The following MED16 variants were observed in gnomAD, a reference collection of about 807,000 sequenced individuals.
MED16 encodes the protein mediator complex subunit 16.
Under a neutral mutation model 84.4 loss-of-function variants are expected in MED16, and 81 were observed. The observed-to-expected ratio is 0.96, with a 90% confidence interval of 0.80 to 1.15. MED16 has a LOEUF of 1.15. Ranked by LOEUF, MED16 falls within the 50% of genes most tolerant of loss-of-function variation. MED16 has a pLI of 0.00. For synonymous variants in MED16, 897 were observed against 552.2 expected (o/e 1.62, Z -8.76); for missense variants, 1,585 against 1,245.9 (o/e 1.27, Z -4.10).
chr19:878,534 C>T (rs1452287982), intron 8 of MED16, among the ~76,000 whole-genome samples: 40 of 130,574 alleles, frequency 3.1e-4, no homozygotes, highest in Non-Finnish European at 2.7e-4. Flanking sequence ...AGCTCACCTT[C>T]CCGTGGTTGT....
intron 1 of MED16, among the ~76,000 whole-genome samples, chr19:891,376 G>A (rs946255708): frequency 1.3e-5 from 2 of 152,224 alleles, no homozygotes; most frequent in East Asian, 1.9e-4. Context: ...TGGGAGCCCG[G>A]GAGGGCTGGG....
intron 6 of MED16, among the ~76,000 whole-genome samples, 186 bp downstream of exon 6, chr19:884,717 C>T (rs1002550934): frequency 6.6e-6 from 1 of 151,908 alleles, no homozygotes; most frequent in Non-Finnish European, 1.5e-5. Context: ...GCCTAACACA[C>T]TCAGAATGCT....
At position 871,979 on chromosome 19, in the gene MED16, G is replaced by T. The variant is rs777877843; in HGVS notation, c.2045C>A (p.Thr682Asn). 1.2e-5 allele frequency: 20 copies of T among 1,607,766 alleles called. No homozygotes were observed. In the South Asian group the frequency reaches 2.2e-4, roughly 18 times the overall value. The change falls in exon 12 of 16, where the codon ACC becomes AAC. Residue 682 changes from threonine (T) to asparagine (N), a missense_variant. Physicochemically the swap from Thr to Asn is moderately conservative, Grantham distance 65. Coordinates refer to ENST00000325464, the MANE Select transcript of MED16 (RefSeq NM_005481.3). Reference sequence around the variant, plus strand: ...GAAGAGCAGGGACATGCTGTCCTGGGTATCCGAGGTGGCCGTATACACGGG... The same window carrying T: ...GAAGAGCAGGGACATGCTGTCCTGGTTATCCGAGGTGGCCGTATACACGGG... ...CLPVYTATSD[T>N]QDSMSLLFRL...
intron 6 of MED16, among the ~76,000 whole-genome samples, chr19:883,388 T>G (rs2036459798): frequency 7.4e-6 from 1 of 134,678 alleles, no homozygotes; most frequent in Non-Finnish European, 1.6e-5. Flanking sequence ...GGTGAAGAGC[T>G]GGGCATGGCG....
intron 2 of MED16, among the ~76,000 whole-genome samples, 189 bp downstream of exon 2, chr19:890,773 TG>T (rs1299971818): frequency 6.6e-6 from 1 of 152,150 alleles, no homozygotes; most frequent in Non-Finnish European, 1.5e-5. Context: ...GCACCAGGTT[TG>T]GGGGGCACTG....
chr19:871,391 G>C, intron 12 of MED16, 138 bp from the exon 13 acceptor site: 1 of 1,305,408 alleles, frequency 7.7e-7, no homozygotes, highest in Non-Finnish European at 1.0e-6. Flanking sequence ...GGTGACCCCG[G>C]GGTTCTCTCA....
At chr19:890,721 G>A (rs879710804) in intron 2 of MED16, among the ~76,000 whole-genome samples, 16 of 152,210 alleles carry the variant, frequency 1.1e-4, no homozygotes, top group Non-Finnish European at 1.5e-4. Flanking sequence ...CAACGCTCCA[G>A]CCCGATTCGA....
At chr19:878,192 G>T (rs374449776) in intron 8 of MED16, among the ~76,000 whole-genome samples, 1 of 104,164 alleles carries the variant, frequency 9.6e-6, no homozygotes. Context: ...CCAGCCCCAC[G>T]TGCCCCAGCA....
rs927912288 is a variant in MED16, at chr19:867,976, C to A, written c.*125G>T. On this transcript the variant is annotated 3_prime_UTR_variant, in exon 16 of 16. Coordinates refer to ENST00000325464, the MANE Select transcript of MED16 (RefSeq NM_005481.3). ...GGGACGCGGGCCTGGGCGCAGAGGG[C>A]GTTTATTGGACCTGTCCTTCCCAGC... 4 of 1,288,326 alleles carry A rather than the reference C, an allele frequency of 3.1e-6. No homozygotes were observed. The highest frequency in any genetic ancestry group is 1.5e-5 in the African/African-American group (1 of 67,044). 79.8% of individuals were successfully genotyped at this position (1,288,326 alleles called of 1,614,324 possible).
At position 881,618 on chromosome 19, in the gene MED16, ATGGGCAGCT is replaced by A. The variant is rs771616172; in HGVS notation, c.1073_1081del (p.Lys358_Pro360del). 7 of 1,612,540 alleles carry A rather than the reference ATGGGCAGCT, an allele frequency of 4.3e-6. No homozygotes were observed. Among genetic ancestry groups the A allele is most frequent in the African/African-American group, 4.0e-5 (3 of 74,888 alleles). ...CTTGAGGTCGGTGTTGGTGAGCGAG[ATGGGCAGCT>A]TGGGCAGCGCCACGGCCGACACACG... On this transcript the variant is annotated inframe_deletion, in exon 7 of 16. Transcript: ENST00000325464.
In MED16 at chr19:868,188, G is replaced by A. The variant is rs2035959792; in HGVS notation, c.2547C>T (p.Ala849=). The A allele has an allele frequency of 1.2e-6, 2 of 1,608,678 alleles. No homozygotes were observed. Among genetic ancestry groups the A allele is most frequent in the East Asian group, 4.5e-5 (2 of 44,726 alleles). Residue 849 remains alanine (A), a synonymous_variant, in exon 16 of 16, where the codon GCC becomes GCT. Coordinates refer to ENST00000325464, the MANE Select transcript of MED16 (RefSeq NM_005481.3). ...VTSRASEEAP[A]FVQLGPQSTH... is the part of the protein sequence containing the mutation. ...TGGACTGCGGGCCCAGCTGGACAAA[G>A]GCAGGGGCTTCCTCAGAAGCTCTGC...
chr19:881,287 TC>T (rs1226421598), intron 7 of MED16, among the ~76,000 whole-genome samples: 4 of 152,134 alleles, frequency 2.6e-5, no homozygotes, highest in African/African-American at 9.7e-5. Flanking sequence ...TCCACCAAGT[TC>T]CCCAGGCTCC....
chr19:877,617 G>A lies in MED16; in HGVS notation c.1354-437C>T, dbSNP rs576728498. On this transcript the variant is annotated intron_variant, in intron 8 of 15. Coordinates refer to ENST00000325464, the MANE Select transcript of MED16 (RefSeq NM_005481.3). The stretch of plus-strand genomic sequence containing the variant: ...GCTTGCACCTGTGGTCCCTTCCCCC[G>A]GGGGCGCCTCCCTCTGGCACCCTCC... Among the ~76,000 whole-genome samples the A allele has an allele frequency of 2.8e-3, 424 of 150,166 alleles. 3 individuals are homozygous for A. The highest frequency in any genetic ancestry group is 9.6e-3 in the African/African-American group (388 of 40,322).
At chr19:890,896 G>A (rs140168220) in intron 2 of MED16, 67 bp downstream of exon 2, 141 of 1,536,514 alleles carry the variant, frequency 9.2e-5, no homozygotes, top group Middle Eastern at 2.1e-4. Flanking sequence ...GCAGTGGGCC[G>A]GGCACCTGGG....
At chr19:881,479 G>C (rs559396148) in intron 7 of MED16, 80 bp downstream of exon 7, 1 of 1,493,344 alleles carries the variant, frequency 6.7e-7, no homozygotes, top group Non-Finnish European at 9.0e-7. Context: ...GAGCTCCCAC[G>C]ACCCCGTGGC....
chr19:883,843 G>T (rs933933371), intron 6 of MED16, among the ~76,000 whole-genome samples: 1 of 152,170 alleles, frequency 6.6e-6, no homozygotes, highest in Non-Finnish European at 1.5e-5. Context: ...AGGCCCAGGG[G>T]AAGGAATGAG....
At chr19:877,894 C>T (rs1308424706) in intron 8 of MED16, among the ~76,000 whole-genome samples, 135 of 147,520 alleles carry the variant, frequency 9.2e-4, no homozygotes, top group Non-Finnish European at 1.6e-3. Flanking sequence ...TGTCAATGCC[C>T]ACCAGCCCCA....
intron 12 of MED16, 141 bp from the exon 13 acceptor site, chr19:871,394 TTC>T: frequency 1.6e-6 from 2 of 1,288,940 alleles, no homozygotes; most frequent in Non-Finnish European, 2.1e-6. Context: ...GACCCCGGGG[TTC>T]TCTCACCAGG....
intron 6 of MED16, among the ~76,000 whole-genome samples, chr19:882,295 T>A (rs1032724564): frequency 1.3e-5 from 2 of 151,936 alleles, no homozygotes; most frequent in African/African-American, 2.4e-5. Flanking sequence ...ATGGCTTGAG[T>A]CCAGGAGTTC....
Sources: allele counts gnomAD v4.1 joint callset (sites outside exome capture counted in the v4.1 genomes callset), GRCh38; gene constraint gnomAD v4.1.1; transcripts MANE v1.5; gene names NCBI Gene and HGNC (gene_info 2026-07-23, HGNC 2026-07-21).